The following NRXN3 variants were observed in gnomAD, a reference collection of about 807,000 sequenced individuals.
NRXN3 encodes the protein neurexin 3.
Under a neutral mutation model 137.6 loss-of-function variants are expected in NRXN3, and 32 were observed. The observed-to-expected ratio is 0.23, with a 90% CI of 0.18 to 0.31. The LOEUF (loss-of-function observed/expected upper bound fraction) is 0.31. NRXN3 is among the 10% of genes least tolerant of loss of function. The pLI is 1.00. For synonymous variants in NRXN3, 798 were observed against 784.5 expected, an observed-to-expected ratio of 1.02 and a Z score of -0.29; for missense variants, 1,574 against 2,062.5, an observed-to-expected ratio of 0.76 and a Z score of 4.59.
intron 4 of NRXN3, among the ~76,000 whole-genome samples, chr14:78,364,820 T>C (rs2085661573): frequency 6.6e-6 from 1 of 152,212 alleles, no homozygotes; most frequent in Non-Finnish European, 1.5e-5. Context: ...AGAGCAACAA[T>C]GAAGTGGCCG....
intron 16 of NRXN3, among the ~76,000 whole-genome samples, chr14:79,542,548 T>A (rs1347170667): frequency 6.6e-6 from 1 of 152,156 alleles, no homozygotes; most frequent in African/African-American, 2.4e-5. Context: ...TTTCATCTGA[T>A]AGTTGTAATA....
At chr14:78,746,357 G>A (rs2098607109) in intron 8 of NRXN3, among the ~76,000 whole-genome samples, 1 of 152,160 alleles carries the variant, frequency 6.6e-6, no homozygotes, top group Admixed American at 6.5e-5. Context: ...AACACACAGA[G>A]ACCTTTATGC....
At chr14:79,680,151 T>G (rs2098662470) in intron 17 of NRXN3, among the ~76,000 whole-genome samples, 1 of 152,186 alleles carries the variant, frequency 6.6e-6, no homozygotes, top group South Asian at 2.1e-4. Flanking sequence ...TGCTTTTTGC[T>G]AATCCATAAA....
intron 19 of NRXN3, among the ~76,000 whole-genome samples, chr14:79,791,493 T>C (rs1049363071): frequency 7.2e-6 from 1 of 139,416 alleles, no homozygotes; most frequent in African/African-American, 2.7e-5. Flanking sequence ...TAATTATAAT[T>C]AATTATATAT....
chr14:78,674,935 G>T (rs899558130), intron 6 of NRXN3, among the ~76,000 whole-genome samples: 4 of 152,266 alleles, frequency 2.6e-5, no homozygotes, highest in Admixed American at 1.3e-4. Context: ...AGCTATTTTA[G>T]ATGTCAGATG....
chr14:79,604,780 C>T (rs997893934), intron 16 of NRXN3, among the ~76,000 whole-genome samples: 14 of 151,962 alleles, frequency 9.2e-5, no homozygotes, highest in African/African-American at 3.4e-4. Flanking sequence ...GCCTATAATC[C>T]CAGCACTTTG....
rs1278081073 is a variant in NRXN3, at chr14:78,235,020, ATATG to A, written c.-703-7369_-703-7366del. On this transcript the variant is annotated intron_variant, in intron 1 of 20. Transcript: ENST00000335750. The stretch of plus-strand genomic sequence containing the variant: ...TATATATATATATATATATATATAT[ATATG>A]TGTATATATATATGTGTGTGTGTGT... Among the ~76,000 whole-genome samples the A allele has an allele frequency of 2.2e-4, 21 of 93,390 alleles. 1 individual carries two copies. Among genetic ancestry groups the A allele is most frequent in the Non-Finnish European group, 3.6e-4 (17 of 46,940 alleles). The allele number at this position is 93,390 out of a possible 152,430, so 61.3% of individuals were successfully genotyped here. A position where few individuals can be genotyped will look rare whatever the true frequency, so the allele number is the denominator to read the frequency against.
intron 15 of NRXN3, among the ~76,000 whole-genome samples, chr14:79,448,484 C>G (rs2153581595): frequency 6.6e-6 from 1 of 152,120 alleles, no homozygotes; most frequent in East Asian, 1.9e-4. Flanking sequence ...TTTTCAGTAC[C>G]CAGAAAAGGG....
intron 4 of NRXN3, among the ~76,000 whole-genome samples, chr14:78,375,035 C>G (rs1343184803): frequency 1.3e-5 from 2 of 152,120 alleles, no homozygotes; most frequent in African/African-American, 4.8e-5. Flanking sequence ...TAAAGAAATC[C>G]AACTATTCTT....
At chr14:78,206,720 G>A (rs2062220219) in intron 1 of NRXN3, among the ~76,000 whole-genome samples, 1 of 152,104 alleles carries the variant, frequency 6.6e-6, no homozygotes, top group Non-Finnish European at 1.5e-5. Flanking sequence ...TCACTTCATG[G>A]TCCCGTTTCA....
intron 15 of NRXN3, among the ~76,000 whole-genome samples, chr14:79,243,527 C>T (rs912243178): frequency 1.3e-5 from 2 of 152,126 alleles, no homozygotes; most frequent in African/African-American, 4.8e-5. Context: ...TGTACTATAG[C>T]CACATGTCTC....
intron 15 of NRXN3, among the ~76,000 whole-genome samples, chr14:79,358,607 G>GAAAGATAAAGAAAGAAAGAAAGAAAGAA (rs10667477): frequency 1.5e-4 from 12 of 79,944 alleles, no homozygotes; most frequent in Non-Finnish European, 3.1e-4. Flanking sequence ...AAGAAAGAAA[G>GAAAGATAAAGAAAGAAAGAAAGAAAGAA]AGAAAGAAAG....
intron 16 of NRXN3, among the ~76,000 whole-genome samples, chr14:79,524,762 C>A (rs561936815): frequency 6.6e-6 from 1 of 152,250 alleles, no homozygotes; most frequent in East Asian, 1.9e-4. Context: ...TGTGTATACA[C>A]AGGAGCCTTC....
At chr14:78,752,884 CAG>C (rs906948234) in intron 8 of NRXN3, among the ~76,000 whole-genome samples, 3 of 152,188 alleles carry the variant, frequency 2.0e-5, no homozygotes, top group African/African-American at 4.8e-5. Context: ...GAATTTTTAA[CAG>C]AGAATTCTGA....
chr14:79,769,209 A>T (rs1028346404), intron 19 of NRXN3, among the ~76,000 whole-genome samples: 2 of 149,268 alleles, frequency 1.3e-5, no homozygotes, highest in African/African-American at 4.9e-5. Flanking sequence ...GCAGGATATT[A>T]TCCAGGAGAA....
At chr14:78,776,220 G>A (rs943788334) in intron 8 of NRXN3, among the ~76,000 whole-genome samples, 5 of 152,186 alleles carry the variant, frequency 3.3e-5, no homozygotes, top group African/African-American at 1.2e-4. Context: ...TGTGCCAATT[G>A]CCTGCCCTAC....
intron 10 of NRXN3, among the ~76,000 whole-genome samples, chr14:78,937,199 A>G (rs1008734750): frequency 2.8e-4 from 43 of 151,744 alleles, no homozygotes; most frequent in Non-Finnish European, 5.6e-4. Context: ...AAAAAAAAAA[A>G]AAAGAAACAA....
intron 4 of NRXN3, among the ~76,000 whole-genome samples, chr14:78,466,244 A>G (rs1449871394): frequency 6.6e-6 from 1 of 152,208 alleles, no homozygotes; most frequent in African/African-American, 2.4e-5. Flanking sequence ...TAACAATAGA[A>G]TCATTGCCTT....
At chr14:79,409,383 CTG>C (rs1446871051) in intron 15 of NRXN3, among the ~76,000 whole-genome samples, 2 of 150,380 alleles carry the variant, frequency 1.3e-5, no homozygotes, top group Non-Finnish European at 3.0e-5. Flanking sequence ...ACATATTTAT[CTG>C]TGTATATGTA....
Sources: gnomAD v4.1 joint callset for allele counts (sites outside exome capture counted in the v4.1 genomes callset) on GRCh38, gnomAD v4.1.1 for gene constraint, MANE v1.5 for transcripts, NCBI Gene and HGNC (gene_info 2026-07-23, HGNC 2026-07-21) for gene names.